LDB2: variants seen among roughly 807,000 people sequenced by gnomAD.
LDB2 encodes LIM domain-binding protein 2.
In LDB2, 12 loss-of-function variants were observed where a neutral mutation model predicts 44.3. The ratio of observed to expected loss-of-function variants is 0.27; its 90% CI spans 0.17 to 0.44. The LOEUF (loss-of-function observed/expected upper bound fraction) is 0.44. Among genes scored for constraint, LDB2 ranks in the 20% least tolerant of loss-of-function variants. The probability of loss-of-function intolerance (pLI) is 1.00; values close to 1 mark genes in which losing one functional copy is unlikely to be tolerated. For synonymous variants in LDB2, 164 were observed against 174.8 expected (o/e 0.94, Z 0.49); for missense variants, 344 against 473.5 (o/e 0.73, Z 2.54).
chr4:16,728,436 T>C (rs1206893229), intron 2 of LDB2, among the ~76,000 whole-genome samples: 1 of 152,146 alleles, frequency 6.6e-6, no homozygotes, highest in African/African-American at 2.4e-5. Flanking sequence ...AATTAAACAG[T>C]ACAGTATAGT....
In LDB2 at chr4:16,588,563, G is replaced by A. The variant is rs372006823; in HGVS notation, c.531+147C>T. On this transcript the variant is annotated intron_variant, in intron 4 of 7. Transcript: ENST00000304523. ...AGGGCCTGTGGATTAAAACCGTTGA[G>A]AACAAAACTCAATATTTAGAGTTAA... 718 of 787,536 alleles carry A rather than the reference G, an allele frequency of 9.1e-4. 9 individuals carry two copies. In the South Asian group the frequency reaches 0.014, roughly 16 times the overall value. The allele number at this position is 787,536 out of a possible 1,614,324, so 48.8% of individuals were successfully genotyped here.
intron 1 of LDB2, among the ~76,000 whole-genome samples, chr4:16,897,917 T>TACAC (rs201377504): frequency 5.9e-5 from 1 of 16,886 alleles, no homozygotes; most frequent in African/African-American, 4.2e-4. Flanking sequence ...TATATATATA[T>TACAC]ATATATATAT....
In LDB2 at chr4:16,566,556, C is replaced by G. The variant is rs563476806; in HGVS notation, c.615+19366G>C. Among the ~76,000 whole-genome samples the G allele has an allele frequency of 9.9e-5, 15 of 152,126 alleles. No individual in the cohort carries two copies. The South Asian group carries it at 3.1e-3, about 32-fold the overall frequency. On this transcript the variant is annotated intron_variant, in intron 5 of 7. Coordinates refer to ENST00000304523, the MANE Select transcript of LDB2 (RefSeq NM_001290.5). ...TATTTAAACATAAAGAAAAAAATCA[C>G]CCCATTTTAAAGGTGGCATTAGAAA...
At chr4:16,828,431 C>T (rs1783454680) in intron 1 of LDB2, among the ~76,000 whole-genome samples, 1 of 152,126 alleles carries the variant, frequency 6.6e-6, no homozygotes. Flanking sequence ...TTCTGGATAC[C>T]TCTAGTTAGG....
At chr4:16,612,392 C>T (rs376673916) in intron 2 of LDB2, among the ~76,000 whole-genome samples, 1 of 151,684 alleles carries the variant, frequency 6.6e-6, no homozygotes. Flanking sequence ...GACAGAGACA[C>T]GAAAAATCCT....
intron 5 of LDB2, among the ~76,000 whole-genome samples, chr4:16,584,478 A>G (rs1404372349): frequency 6.6e-6 from 1 of 152,170 alleles, no homozygotes; most frequent in Non-Finnish European, 1.5e-5. Context: ...TGGGCAACTT[A>G]CTCCACCTAC....
At chr4:16,698,535 A>G (rs760333347) in intron 2 of LDB2, among the ~76,000 whole-genome samples, 3 of 152,146 alleles carry the variant, frequency 2.0e-5, no homozygotes, top group South Asian at 2.1e-4. Context: ...GCATCTTTTC[A>G]TATGTTTATT....
intron 1 of LDB2, among the ~76,000 whole-genome samples, chr4:16,790,177 A>G (rs568794518): frequency 2.1e-4 from 32 of 152,368 alleles, no homozygotes; most frequent in African/African-American, 7.5e-4. Context: ...CTTTCCTGAC[A>G]GCATTTACTA....
At chr4:16,749,235 C>T (rs557630154) in intron 2 of LDB2, among the ~76,000 whole-genome samples, 2 of 151,814 alleles carry the variant, frequency 1.3e-5, no homozygotes, top group South Asian at 2.1e-4. Context: ...AAAAATCAGT[C>T]TTAGCATTGT....
chr4:16,618,855 C>T (rs142951021), intron 2 of LDB2, among the ~76,000 whole-genome samples: 151 of 152,274 alleles, frequency 9.9e-4, no homozygotes, highest in African/African-American at 3.5e-3. Context: ...TTTCTCCCTG[C>T]TGTTCTCATG....
At chr4:16,634,709 C>T (rs1733056360) in intron 2 of LDB2, among the ~76,000 whole-genome samples, 1 of 152,088 alleles carries the variant, frequency 6.6e-6, no homozygotes, top group Non-Finnish European at 1.5e-5. Context: ...TAAATTAGTT[C>T]AACCATCGTG....
At chr4:16,628,932 G>A (rs149168300) in intron 2 of LDB2, among the ~76,000 whole-genome samples, 2 of 152,318 alleles carry the variant, frequency 1.3e-5, no homozygotes, top group East Asian at 3.9e-4. Flanking sequence ...TCTCACAACC[G>A]GTAGACCAGG....
intron 2 of LDB2, among the ~76,000 whole-genome samples, chr4:16,756,383 G>C (rs908880915): frequency 6.6e-6 from 1 of 152,116 alleles, no homozygotes; most frequent in South Asian, 2.1e-4. Context: ...GAACCCAGAA[G>C]TGGAGGTTGC....
intron 2 of LDB2, among the ~76,000 whole-genome samples, chr4:16,685,925 G>C (rs575378638): frequency 6.6e-6 from 1 of 152,144 alleles, no homozygotes; most frequent in Admixed American, 6.5e-5. Flanking sequence ...GGTGGTGTGT[G>C]CCTGTAGTCC....
chr4:16,880,062 C>G (rs1343624981), intron 1 of LDB2, among the ~76,000 whole-genome samples: 1 of 152,084 alleles, frequency 6.6e-6, no homozygotes. Flanking sequence ...AACCAGATGC[C>G]CTTCTTCTTT....
At chr4:16,808,421 G>T (rs963329485) in intron 1 of LDB2, among the ~76,000 whole-genome samples, 1 of 152,214 alleles carries the variant, frequency 6.6e-6, no homozygotes. Flanking sequence ...GTAATGACCA[G>T]TGGAGGCTGG....
chr4:16,877,945 T>C (rs1718913880), intron 1 of LDB2, among the ~76,000 whole-genome samples: 1 of 151,070 alleles, frequency 6.6e-6, no homozygotes, highest in African/African-American at 2.4e-5. Flanking sequence ...CAAGAGGCAA[T>C]TGAAGGAAAA....
intron 6 of LDB2, among the ~76,000 whole-genome samples, chr4:16,509,751 A>T (rs1720962427): frequency 6.6e-6 from 1 of 152,274 alleles, no homozygotes; most frequent in South Asian, 2.1e-4. Context: ...TTTAGACCTG[A>T]CTGTGATGGA....
chr4:16,563,424 ATCAGATTTTTTT>A (rs1743199754), intron 5 of LDB2, among the ~76,000 whole-genome samples: 1 of 123,768 alleles, frequency 8.1e-6, no homozygotes, highest in African/African-American at 3.2e-5. Flanking sequence ...CTCATCAGTC[ATCAGATTTTTTT>A]TTTTTTTTTT....
Sources: allele counts gnomAD v4.1 joint callset (sites outside exome capture counted in the v4.1 genomes callset), GRCh38; gene constraint gnomAD v4.1.1; transcripts MANE v1.5; gene names NCBI Gene and HGNC (gene_info 2026-07-23, HGNC 2026-07-21).